ITGA4: variants seen among roughly 807,000 people sequenced by gnomAD.
ITGA4 encodes integrin subunit alpha 4.
In ITGA4, 63 loss-of-function variants were observed where a neutral mutation model predicts 133.6. That is an observed-to-expected ratio of 0.47 (90% CI 0.38 to 0.58). The LOEUF is 0.58. Among genes scored for constraint, ITGA4 ranks in the 20% least tolerant of loss-of-function variants. ITGA4 has a pLI of 0.00. For synonymous variants in ITGA4, 483 were observed against 438.0 expected (o/e 1.10, Z -1.28); for missense variants, 1,076 against 1,252.7 (o/e 0.86, Z 2.13).
In ITGA4 at chr2:181,538,190, T is replaced by A. The variant is rs1559065823; in HGVS notation, c.*2663T>A. ...TTTTAGAAACAATTACATGTTACTT[T>A]GGAATCATTTCTTCCATGCTTCCTC... On this transcript the variant is annotated 3_prime_UTR_variant, in exon 28 of 28. Transcript: ENST00000397033. The A allele has an allele frequency of 3.2e-6, 5 of 1,569,288 alleles. No individual in the cohort carries two copies. Among genetic ancestry groups the A allele is most frequent in the Non-Finnish European group, 3.5e-6 (4 of 1,140,698 alleles).
chr2:181,491,762 C>G (rs1485292969), intron 10 of ITGA4, among the ~76,000 whole-genome samples: 1 of 152,160 alleles, frequency 6.6e-6, no homozygotes, highest in Non-Finnish European at 1.5e-5. Flanking sequence ...TCTTCTCCTC[C>G]TCCTCCTCTT....
intron 2 of ITGA4, among the ~76,000 whole-genome samples, chr2:181,460,727 T>C (rs549200674): frequency 1.3e-5 from 2 of 152,254 alleles, no homozygotes; most frequent in African/African-American, 4.8e-5. Context: ...TTCTTTATTG[T>C]TTACTTAAAT....
Position 181,495,822 on chromosome 2 carries a change from C to A in ITGA4, c.1425C>A (p.His475Gln), listed in dbSNP as rs1686145530. 6.2e-7 allele frequency: 1 copy of A among 1,613,738 alleles called. No homozygotes were observed. The highest frequency in any genetic ancestry group is 1.7e-5 in the Admixed American group (1 of 59,992). ...PVVIVDASLS[H>Q]PESVNRTKFD... ...TAATTGTTGACGCTTCTTTAAGCCA[C>A]CCTGAGTCAGTAAATAGAACGAAAT... The change falls in exon 14 of 28, where the codon CAC (histidine) becomes CAA (glutamine). Residue 475 changes from histidine to glutamine, a missense_variant. Transcript: ENST00000397033. The surrounding 1 kb of genome is among the most constrained non-coding windows in gnomAD (Gnocchi z 4.3).
rs1416994657 is a variant in ITGA4, at chr2:181,489,702, G to T, written c.1154-3623G>T. Among the ~76,000 whole-genome samples the T allele has an allele frequency of 2.6e-5, 4 of 151,914 alleles. No individual in the cohort carries two copies. In the East Asian group the frequency reaches 7.7e-4, roughly 29 times the overall value. ...GGGTACAAGTGAAATTTTGTTACAT[G>T]CATCGATTACATAGCGATCAAGTCA... On this transcript the variant is annotated intron_variant, in intron 10 of 27. Transcript: ENST00000397033.
intron 15 of ITGA4, among the ~76,000 whole-genome samples, chr2:181,504,756 G>A (rs1574401408): frequency 6.6e-6 from 1 of 151,958 alleles, no homozygotes; most frequent in East Asian, 1.9e-4. Flanking sequence ...ACAAATTTAT[G>A]GATGCTATGT....
Position 181,494,754 on chromosome 2 carries a change from A to G in ITGA4, c.1281A>G (p.Leu427=), listed in dbSNP as rs200418485. 3.3e-5 allele frequency: 53 copies of G among 1,604,262 alleles called. No individual in the cohort carries two copies. Among genetic ancestry groups the G allele is most frequent in the Non-Finnish European group, 4.2e-5 (49 of 1,171,332 alleles). ...AAGGACTTCAGATCAGCAAATCGTT[A>G]AGTATGTTTGGACAGTCTATATCAG... The part of the protein sequence containing the change: ...RIEGLQISKS[L]SMFGQSISGQ... Residue 427 remains leucine, a synonymous_variant, in exon 12 of 28, where the codon TTA becomes TTG. Transcript: ENST00000397033.
At chr2:181,533,195 A>T (rs1245553541) in intron 25 of ITGA4, among the ~76,000 whole-genome samples, 2 of 152,148 alleles carry the variant, frequency 1.3e-5, no homozygotes, top group Non-Finnish European at 2.9e-5. Context: ...AATATGGATA[A>T]ATGAGATGAT....
intron 5 of ITGA4, 86 bp downstream of exon 5, chr2:181,478,910 A>G: frequency 1.5e-6 from 1 of 653,174 alleles, no homozygotes; most frequent in Non-Finnish European, 2.4e-6. Flanking sequence ...TATGTTTTAA[A>G]GTAAAAATTG....
intron 17 of ITGA4, among the ~76,000 whole-genome samples, chr2:181,517,554 A>G (rs1446667335): frequency 2.0e-5 from 3 of 152,114 alleles, no homozygotes; most frequent in South Asian, 2.1e-4. Flanking sequence ...AGAATGAACT[A>G]TGAGTCCCAG....
chr2:181,531,040 G>A (rs750705872), intron 24 of ITGA4, among the ~76,000 whole-genome samples: 54 of 151,988 alleles, frequency 3.6e-4, no homozygotes, highest in Non-Finnish European at 6.3e-4. Context: ...GCTTGAATCC[G>A]GGAGGTGGAG....
intron 4 of ITGA4, 137 bp downstream of exon 4, chr2:181,475,425 ATTTC>A: frequency 1.4e-6 from 1 of 700,440 alleles, no homozygotes; most frequent in East Asian, 2.7e-5. Context: ...TAACTACTCA[ATTTC>A]TTTCTTTACC....
At chr2:181,479,197 T>C (rs3770124) in intron 5 of ITGA4, 24,561 of 156,320 alleles carry the variant, frequency 0.16, 2,291 homozygotes, top group Middle Eastern at 0.23. Flanking sequence ...AATATCAGTC[T>C]ATATTTTTCA....
rs1315693440 is a variant in ITGA4 at position 181,515,767 on chromosome 2, AAT to A, written c.1922+3995_1922+3996del. ...GGTAAATTATACTCTATCAGACAGA[AAT>A]ATGTCTCTCCCACAGAGGTGTCCTC... On this transcript the variant is annotated intron_variant, in intron 17 of 27. Transcript: ENST00000397033. Among the ~76,000 whole-genome samples, 8 of 152,236 alleles carry A rather than the reference AAT, an allele frequency of 5.3e-5. No individual in the cohort carries two copies. In the East Asian group the frequency reaches 1.5e-3, roughly 29 times the overall value.
At position 181,475,179 on chromosome 2, in the gene ITGA4, A is replaced by G. The variant is rs1685646874; in HGVS notation, c.447A>G (p.Lys149=). ...TTCAGACTTGTGGGCATAGATGGAAAAATATATTTTACATAAAGAATGAAA... is the reference window on the plus strand; with the variant it reads ...TTCAGACTTGTGGGCATAGATGGAAGAATATATTTTACATAAAGAATGAAA... ...GSIVTCGHRW[K]NIFYIKNENK... The change falls in exon 4 of 28, where the codon AAA becomes AAG. Residue 149 remains lysine (K), a synonymous_variant. Transcript: ENST00000397033. 1 of 1,613,554 alleles carries G rather than the reference A, an allele frequency of 6.2e-7. No homozygotes were observed. The highest frequency in any genetic ancestry group is 1.7e-5 in the Admixed American group (1 of 59,964).
At chr2:181,472,153 CAAG>C (rs996034134) in intron 2 of ITGA4, among the ~76,000 whole-genome samples, 10 of 152,228 alleles carry the variant, frequency 6.6e-5, no homozygotes, top group African/African-American at 2.4e-4. Flanking sequence ...AAAACTAAAA[CAAG>C]AAGGAGGCAA....
At chr2:181,460,533 G>C (rs867247449) in intron 2 of ITGA4, among the ~76,000 whole-genome samples, 61 of 151,024 alleles carry the variant, frequency 4.0e-4, no homozygotes, top group Middle Eastern at 3.5e-3. Flanking sequence ...TCAAGAGTGT[G>C]TGTAAATATA....
intron 16 of ITGA4, 53 bp from the exon 17 acceptor site, chr2:181,511,646 A>T (rs1686507465): frequency 1.1e-6 from 1 of 934,642 alleles, no homozygotes; most frequent in Admixed American, 1.9e-5. Context: ...AAATATATAT[A>T]AATATACTTG....
chr2:181,505,576 A>G (rs931499081), intron 15 of ITGA4, among the ~76,000 whole-genome samples: 7 of 152,084 alleles, frequency 4.6e-5, no homozygotes, highest in African/African-American at 1.7e-4. Flanking sequence ...TTTACTCCCA[A>G]ATATTTAATT....
chr2:181,534,942 A>G lies in ITGA4; in HGVS notation c.3003+7A>G, dbSNP rs757527206. On this transcript the variant is annotated splice_region_variant and intron_variant, in intron 27 of 27. Transcript: ENST00000397033. ...CTCATATGTTATGTGGAAGGTAAGC[A>G]TTTAACAATTACCAACATTAGTCTA... 1 of 1,557,550 alleles carries G rather than the reference A, an allele frequency of 6.4e-7. No individual in the cohort carries two copies. Among genetic ancestry groups the G allele is most frequent in the South Asian group, 1.2e-5 (1 of 83,002 alleles).
Sources: gnomAD v4.1 joint callset for allele counts (sites outside exome capture counted in the v4.1 genomes callset) on GRCh38, gnomAD v4.1.1 for gene constraint, Gnocchi (gnomAD v3.1) non-coding constraint, MANE v1.5 for transcripts, NCBI Gene and HGNC (gene_info 2026-07-23, HGNC 2026-07-21) for gene names.